HECW2: variants seen among roughly 807,000 people sequenced by gnomAD.
HECW2 encodes HECT, C2 and WW domain containing E3 ubiquitin protein ligase 2, also known as E3 ubiquitin-protein ligase HECW2.
Under a neutral mutation model 175.2 loss-of-function variants are expected in HECW2, and 61 were observed. That is an observed-to-expected ratio of 0.35 (90% CI 0.28 to 0.43). The LOEUF (loss-of-function observed/expected upper bound fraction) is 0.43, where lower values mean the gene tolerates loss of function less well. Ranked by LOEUF, HECW2 falls within the 20% of genes least tolerant of loss-of-function variation. The pLI is 1.00. For missense variants in HECW2, 1,524 were observed against 2,000.5 expected (o/e 0.76, Z 4.54); for synonymous variants, 671 against 731.0 (o/e 0.92, Z 1.32).
intron 2 of HECW2, among the ~76,000 whole-genome samples, chr2:196,419,818 A>G (rs981044341): frequency 2.0e-5 from 3 of 152,118 alleles, no homozygotes; most frequent in African/African-American, 7.2e-5. Flanking sequence ...GAAGCTCGGA[A>G]TGGTTCAGCA....
chr2:196,246,956 T>C (rs1688669272), intron 19 of HECW2, among the ~76,000 whole-genome samples: 2 of 152,208 alleles, frequency 1.3e-5, no homozygotes, highest in Non-Finnish European at 2.9e-5. Flanking sequence ...TTACACATTA[T>C]TTCATTTTAA....
intron 1 of HECW2, among the ~76,000 whole-genome samples, chr2:196,480,236 T>A (rs1405555499): frequency 6.6e-6 from 1 of 152,234 alleles, no homozygotes; most frequent in African/African-American, 2.4e-5. Flanking sequence ...TGCCAACTTC[T>A]TTAATATAAG....
rs1575497598 is a variant in HECW2, at chr2:196,395,889, A to G, written c.292+37243T>C. Among the ~76,000 whole-genome samples, 6 of 152,322 alleles carry G rather than the reference A, an allele frequency of 3.9e-5. 1 individual carries two copies. Among genetic ancestry groups the G allele is most frequent in the Admixed American group, 3.9e-4 (6 of 15,300 alleles). On this transcript the variant is annotated intron_variant, in intron 2 of 28. Transcript: ENST00000644978. Reference sequence around the variant, plus strand: ...CTATTCTACTTCTGGGTATACACGTAAAGGGATTAAAATGGGACTCAAACA... The same window carrying G: ...CTATTCTACTTCTGGGTATACACGTGAAGGGATTAAAATGGGACTCAAACA...
chr2:196,406,640 A>C (rs988781427), intron 2 of HECW2, among the ~76,000 whole-genome samples: 1 of 151,952 alleles, frequency 6.6e-6, no homozygotes, highest in Non-Finnish European at 1.5e-5. Context: ...TCTGACCCCA[A>C]CCTTCTTCTC....
intron 1 of HECW2, among the ~76,000 whole-genome samples, chr2:196,524,306 TG>T (rs1295015823): frequency 8.2e-6 from 1 of 121,630 alleles, no homozygotes; most frequent in Non-Finnish European, 1.6e-5. Flanking sequence ...TGTATTTCTT[TG>T]GGATCAGTGG....
In HECW2 at chr2:196,279,835, A is replaced by G. The variant is rs73044221; in HGVS notation, c.3001-1173T>C. Reference sequence around the variant, plus strand: ...AAAACATGTCTCCTTCATTCCTGACATTTCTCCCCCATAATGTGTTAGAAG... The same window carrying G: ...AAAACATGTCTCCTTCATTCCTGACGTTTCTCCCCCATAATGTGTTAGAAG... On this transcript the variant is annotated intron_variant, in intron 14 of 28. Transcript: ENST00000644978. Among the ~76,000 whole-genome samples the G allele has an allele frequency of 9.6e-3, 1,462 of 152,264 alleles. 19 individuals are homozygous for G. Among genetic ancestry groups the G allele is most frequent in the African/African-American group, 0.034 (1,401 of 41,542 alleles).
intron 1 of HECW2, among the ~76,000 whole-genome samples, chr2:196,543,578 A>G (rs577278489): frequency 2.0e-5 from 3 of 151,896 alleles, no homozygotes; most frequent in Non-Finnish European, 4.4e-5. Flanking sequence ...GCTGCTGTTC[A>G]TATTCTAAGG....
At chr2:196,229,697 G>A (rs945509294) in intron 21 of HECW2, among the ~76,000 whole-genome samples, 1 of 152,024 alleles carries the variant, frequency 6.6e-6, no homozygotes, top group Non-Finnish European at 1.5e-5. Context: ...GATCCTATAG[G>A]CAGAAGATAA....
intron 13 of HECW2, among the ~76,000 whole-genome samples, chr2:196,295,174 G>C (rs1167386025): frequency 6.6e-6 from 1 of 152,170 alleles, no homozygotes; most frequent in Non-Finnish European, 1.5e-5. Flanking sequence ...GTTCAGAGCA[G>C]AGAGTACTGT....
Position 196,334,445 on chromosome 2 carries a change from G to C in HECW2, c.474C>G (p.Thr158=). ...GALRATTPCI[T]VKNPAVMMGA... Reference sequence around the variant, plus strand: ...TCACCATCACAGCTGGGTTCTTCACGGTGATGCAGGGGGTCGTGGCTCGCA... The same window carrying C: ...TCACCATCACAGCTGGGTTCTTCACCGTGATGCAGGGGGTCGTGGCTCGCA... Residue 158 remains threonine (T), a synonymous_variant, in exon 4 of 29, where the codon ACC becomes ACG. Transcript: ENST00000644978. 1 of 1,609,402 alleles carries C rather than the reference G, an allele frequency of 6.2e-7. No homozygotes were observed. The highest frequency in any genetic ancestry group is 8.5e-7 in the Non-Finnish European group (1 of 1,178,092).
At chr2:196,352,481 C>T (rs1451199409) in intron 2 of HECW2, among the ~76,000 whole-genome samples, 2 of 152,210 alleles carry the variant, frequency 1.3e-5, no homozygotes, top group African/African-American at 4.8e-5. Flanking sequence ...GAAAGGAATG[C>T]TGGCAGAGTG....
intron 1 of HECW2, among the ~76,000 whole-genome samples, chr2:196,581,028 G>A (rs573982620): frequency 6.6e-6 from 1 of 152,174 alleles, no homozygotes; most frequent in Non-Finnish European, 1.5e-5. Context: ...TATGCTAAGT[G>A]AAAGATGCAG....
intron 13 of HECW2, among the ~76,000 whole-genome samples, chr2:196,302,098 A>G (rs1042602523): frequency 1.3e-5 from 2 of 152,188 alleles, no homozygotes; most frequent in Admixed American, 6.5e-5. Flanking sequence ...AATTTTCTGC[A>G]TATGGCTAGC....
chr2:196,484,113 C>G (rs1291294054), intron 1 of HECW2, among the ~76,000 whole-genome samples: 2 of 152,152 alleles, frequency 1.3e-5, no homozygotes, highest in Non-Finnish European at 2.9e-5. Context: ...TTTATGTCCT[C>G]TCTCTAAAAT....
rs532788657 is a variant in HECW2 at position 196,496,177 on chromosome 2, C to T, written c.-35-62719G>A. On this transcript the variant is annotated intron_variant, in intron 1 of 28. Transcript: ENST00000644978. Reference sequence around the variant, plus strand: ...AAAAAAATTGGCTGAAACTCTACAGCTTACATATATTTTTTAACTTTACCT... The same window carrying T: ...AAAAAAATTGGCTGAAACTCTACAGTTTACATATATTTTTTAACTTTACCT... Among the ~76,000 whole-genome samples, 4 of 151,964 alleles carry T rather than the reference C, an allele frequency of 2.6e-5. No individual in the cohort carries two copies. In the Admixed American group the frequency reaches 2.6e-4, roughly 10 times the overall value.
At chr2:196,366,500 A>G (rs1693749169) in intron 2 of HECW2, among the ~76,000 whole-genome samples, 1 of 152,220 alleles carries the variant, frequency 6.6e-6, no homozygotes. Context: ...AAGCATATGT[A>G]ATGTGCCAAA....
intron 3 of HECW2, among the ~76,000 whole-genome samples, chr2:196,336,564 C>T (rs1319124440): frequency 2.0e-5 from 3 of 152,088 alleles, no homozygotes; most frequent in Admixed American, 2.0e-4. Context: ...ATATCTTCCC[C>T]TAACTCTGTC....
At chr2:196,329,901 A>G (rs905168130) in intron 4 of HECW2, among the ~76,000 whole-genome samples, 3 of 152,178 alleles carry the variant, frequency 2.0e-5, no homozygotes, top group Non-Finnish European at 4.4e-5. Flanking sequence ...GAATCAAACT[A>G]TGTCTTTTTT....
intron 1 of HECW2, among the ~76,000 whole-genome samples, chr2:196,588,795 C>T (rs1269762508): frequency 1.3e-5 from 2 of 152,190 alleles, no homozygotes; most frequent in Non-Finnish European, 2.9e-5. Context: ...TTTCCTGGCA[C>T]AGTCTCAGTT....
Sources: allele counts gnomAD v4.1 joint callset (sites outside exome capture counted in the v4.1 genomes callset), GRCh38; gene constraint gnomAD v4.1.1; transcripts MANE v1.5; gene names NCBI Gene and HGNC (gene_info 2026-07-23, HGNC 2026-07-21).